RHOJ: variants seen among roughly 807,000 people sequenced by gnomAD.
The protein encoded by RHOJ is ras homolog family member J, also known as rho-related GTP-binding protein RhoJ.
RHOJ carries 11 observed loss-of-function variants against 23.4 expected under a neutral mutation model. The ratio of observed to expected loss-of-function variants is 0.47; its 90% confidence interval spans 0.30 to 0.78. The LOEUF is 0.78. RHOJ is among the 30% of genes least tolerant of loss of function. RHOJ has a pLI of 0.08. For synonymous variants in RHOJ, 102 were observed against 102.7 expected (o/e 0.99, Z 0.04); for missense variants, 254 against 273.4 (o/e 0.93, Z 0.50).
intron 2 of RHOJ, among the ~76,000 whole-genome samples, chr14:63,270,170 C>CTTTT (rs10680889): frequency 0.016 from 1,988 of 128,108 alleles, 65 homozygotes; most frequent in African/African-American, 0.052. Flanking sequence ...TCGTCTAGGC[C>CTTTT]TTTTTTTTTT....
chr14:63,254,963 C>T (rs868603834), intron 1 of RHOJ, among the ~76,000 whole-genome samples: 5 of 152,258 alleles, frequency 3.3e-5, no homozygotes, highest in Middle Eastern at 3.4e-3. Context: ...AACAGAAAAG[C>T]GGCTCTTTTC....
rs370882334 is a variant in RHOJ at position 63,222,669 on chromosome 14, GTTGT to G, written c.178+17629_178+17632del. Reference sequence around the variant, plus strand: ...TATCCTTCACCTACTTTTTGATGGGGTTGTTTGTTTTTTTCCTGTAAATTTGTTT... The same window carrying G: ...TATCCTTCACCTACTTTTTGATGGGGTTGTTTTTTTCCTGTAAATTTGTTT... On this transcript the variant is annotated intron_variant, in intron 1 of 4. Coordinates refer to ENST00000316754, the MANE Select transcript of RHOJ (RefSeq NM_020663.5). Among the ~76,000 whole-genome samples, 27 of 152,282 alleles carry G rather than the reference GTTGT, an allele frequency of 1.8e-4. No individual in the cohort carries two copies. The South Asian group carries it at 5.4e-3, about 30-fold the overall frequency.
chr14:63,216,667 T>A (rs948040492), intron 1 of RHOJ, among the ~76,000 whole-genome samples: 1 of 152,206 alleles, frequency 6.6e-6, no homozygotes, highest in African/African-American at 2.4e-5. Flanking sequence ...ACATTTGCAA[T>A]AATTCAAGCT....
intron 2 of RHOJ, among the ~76,000 whole-genome samples, chr14:63,274,058 A>T (rs1881635052): frequency 1.3e-5 from 2 of 152,214 alleles, no homozygotes; most frequent in African/African-American, 4.8e-5. Context: ...TGATTTCTGA[A>T]GTCCCGCTTT....
At chr14:63,264,025 G>A (rs1895320771) in intron 1 of RHOJ, among the ~76,000 whole-genome samples, 2 of 151,732 alleles carry the variant, frequency 1.3e-5, no homozygotes, top group African/African-American at 4.9e-5. Flanking sequence ...GATTCAGGGA[G>A]TACATCTGTA....
chr14:63,244,149 G>A (rs889050637), intron 1 of RHOJ, among the ~76,000 whole-genome samples: 3 of 152,174 alleles, frequency 2.0e-5, no homozygotes, highest in African/African-American at 4.8e-5. Context: ...GGAGGAAGAC[G>A]TACGATACAA....
At chr14:63,225,307 C>G (rs1369912797) in intron 1 of RHOJ, among the ~76,000 whole-genome samples, 1 of 152,080 alleles carries the variant, frequency 6.6e-6, no homozygotes, top group Non-Finnish European at 1.5e-5. Flanking sequence ...GAAAAATTTT[C>G]CCTTGGAGCA....
chr14:63,286,859 A>C (rs896561207), intron 4 of RHOJ, among the ~76,000 whole-genome samples: 7 of 152,348 alleles, frequency 4.6e-5, no homozygotes, highest in Admixed American at 2.6e-4. Context: ...TCTGGCCTAG[A>C]AATGTTTTTC....
chr14:63,258,992 T>C (rs1895227409), intron 1 of RHOJ, among the ~76,000 whole-genome samples: 1 of 152,212 alleles, frequency 6.6e-6, no homozygotes, highest in Non-Finnish European at 1.5e-5. Context: ...CAGGCTGGAG[T>C]GCGGTGGCAT....
At chr14:63,277,117 T>C (rs183247164) in intron 2 of RHOJ, among the ~76,000 whole-genome samples, 1 of 152,316 alleles carries the variant, frequency 6.6e-6, no homozygotes, top group East Asian at 1.9e-4. Context: ...GTGGTCACAA[T>C]TGAGAGCCAG....
chr14:63,226,542 A>C (rs931236464), intron 1 of RHOJ, among the ~76,000 whole-genome samples: 1 of 150,746 alleles, frequency 6.6e-6, no homozygotes, highest in Non-Finnish European at 1.5e-5. Context: ...ATATAAAACA[A>C]TATATAAATA....
chr14:63,260,134 A>G (rs1169775002), intron 1 of RHOJ, among the ~76,000 whole-genome samples: 2 of 152,220 alleles, frequency 1.3e-5, no homozygotes, highest in East Asian at 3.8e-4. Flanking sequence ...CTAATTTACT[A>G]TGTTGTCTTT....
rs1013457574 is a variant in RHOJ, at chr14:63,292,684, C to A, written c.*1660C>A. On this transcript the variant is annotated 3_prime_UTR_variant, in exon 5 of 5. Transcript: ENST00000316754. The stretch of plus-strand genomic sequence containing the variant: ...TGCGTGATAGCCAGGCACCGTGGCT[C>A]ATGCCTGTAATCCCAACACTTAGGG... 6.6e-6 allele frequency: 1 copy of A among 152,212 alleles called. No homozygotes were observed. Among genetic ancestry groups the A allele is most frequent in the African/African-American group, 2.4e-5 (1 of 41,418 alleles). 9.4% of individuals were successfully genotyped at this position (152,212 alleles called of 1,614,324 possible).
At chr14:63,269,056 T>A in intron 1 of RHOJ, 54 bp from the exon 2 acceptor site, 1 of 1,286,324 alleles carries the variant, frequency 7.8e-7, no homozygotes. Flanking sequence ...AGGCTCCTGA[T>A]TGAAGCTTGT....
chr14:63,268,567 G>C (rs577058344), intron 1 of RHOJ, among the ~76,000 whole-genome samples: 31 of 152,238 alleles, frequency 2.0e-4, no homozygotes, highest in African/African-American at 7.5e-4. Flanking sequence ...CAAAATGAAC[G>C]CTAAGCCCTT....
chr14:63,209,963 T>G (rs1409155759), intron 1 of RHOJ, among the ~76,000 whole-genome samples: 1 of 143,600 alleles, frequency 7.0e-6, no homozygotes, highest in East Asian at 2.0e-4. Flanking sequence ...CTTTTTTTTC[T>G]TTTTTTTTTT....
chr14:63,250,766 G>A (rs997016015), intron 1 of RHOJ, among the ~76,000 whole-genome samples: 6 of 152,138 alleles, frequency 3.9e-5, no homozygotes, highest in Admixed American at 2.6e-4. Flanking sequence ...GGGTGCGGTG[G>A]CTCACACCTG....
chr14:63,207,252 G>A (rs1184283773), intron 1 of RHOJ, among the ~76,000 whole-genome samples: 2 of 151,986 alleles, frequency 1.3e-5, no homozygotes, highest in Admixed American at 6.6e-5. Context: ...GGCTGGTCTT[G>A]AACTCCTTAC....
chr14:63,213,410 A>T (rs760738306), intron 1 of RHOJ, among the ~76,000 whole-genome samples: 3 of 152,108 alleles, frequency 2.0e-5, no homozygotes, highest in Non-Finnish European at 2.9e-5. Flanking sequence ...TTTCTATGTT[A>T]CTTTGCTTAG....
Sources: gnomAD v4.1 joint callset for allele counts (sites outside exome capture counted in the v4.1 genomes callset) on GRCh38, gnomAD v4.1.1 for gene constraint, MANE v1.5 for transcripts, NCBI Gene and HGNC (gene_info 2026-07-23, HGNC 2026-07-21) for gene names.